Variants in BRAF observed in about 807,000 individuals in gnomAD.
BRAF encodes the protein serine/threonine-protein kinase B-raf.
Under a neutral mutation model 104.6 loss-of-function variants are expected in BRAF, and 16 were observed. The observed-to-expected ratio is 0.15, with a 90% CI of 0.10 to 0.23. The LOEUF is 0.23. Among genes scored for constraint, BRAF ranks in the 10% least tolerant of loss-of-function variants. The pLI is 1.00. For missense variants in BRAF, 541 were observed against 937.3 expected (o/e 0.58, Z 5.52); for synonymous variants, 310 against 341.6 (o/e 0.91, Z 1.02).
intron 1 of BRAF, among the ~76,000 whole-genome samples, chr7:140,901,785 T>C (rs1159785539): frequency 2.6e-5 from 4 of 152,228 alleles, no homozygotes; most frequent in Non-Finnish European, 4.4e-5. Flanking sequence ...TAAAAGCATA[T>C]TGAATTGTGC....
intron 13 of BRAF, 141 bp from the exon 13 acceptor site, chr7:140,777,229 T>C (rs1227120237): frequency 2.4e-6 from 2 of 831,962 alleles, no homozygotes; most frequent in Non-Finnish European, 3.8e-6. Context: ...AAAGGATACA[T>C]TTAGAAGAGA....
chr7:140,716,364 G>GAGTT (rs751375958), downstream of BRAF, among the ~76,000 whole-genome samples: 13 of 152,306 alleles, frequency 8.5e-5, no homozygotes, highest in African/African-American at 2.6e-4. Context: ...AAGGTTAAAT[G>GAGTT]AGTTAGTTAG....
At chr7:140,896,411 T>C (rs1472838576) in intron 1 of BRAF, among the ~76,000 whole-genome samples, 1 of 152,038 alleles carries the variant, frequency 6.6e-6, no homozygotes, top group African/African-American at 2.4e-5. Flanking sequence ...AAACATTATG[T>C]AGAAAACTAT....
At chr7:140,824,706 CA>C (rs1473924237) in intron 3 of BRAF, among the ~76,000 whole-genome samples, 1 of 151,396 alleles carries the variant, frequency 6.6e-6, no homozygotes, top group African/African-American at 2.4e-5. Context: ...AATAAACTGC[CA>C]AATTTTATTC....
At chr7:140,909,998 A>C (rs890236249) in intron 1 of BRAF, among the ~76,000 whole-genome samples, 50 of 152,262 alleles carry the variant, frequency 3.3e-4, no homozygotes, top group African/African-American at 1.2e-3. Flanking sequence ...ACTGTCCTGA[A>C]CATTGTGGGA....
chr7:140,759,527 C>G (rs1443396386), intron 14 of BRAF, among the ~76,000 whole-genome samples: 2 of 152,222 alleles, frequency 1.3e-5, no homozygotes, highest in African/African-American at 4.8e-5. Context: ...GCTGGGATTA[C>G]AGGCAAGTAC....
intron 7 of BRAF, 192 bp downstream of exon 7, chr7:140,800,170 T>C: frequency 1.2e-6 from 1 of 863,416 alleles, no homozygotes; most frequent in Non-Finnish European, 1.8e-6. Flanking sequence ...GATTCTGAAA[T>C]AGTCTATGTC....
intron 1 of BRAF, among the ~76,000 whole-genome samples, chr7:140,899,616 A>T (rs1467624835): frequency 6.6e-6 from 1 of 152,114 alleles, no homozygotes; most frequent in Non-Finnish European, 1.5e-5. Flanking sequence ...GTCATTTCAT[A>T]TGTTTATTAA....
intron 1 of BRAF, among the ~76,000 whole-genome samples, chr7:140,858,022 T>G (rs534495357): frequency 8.0e-4 from 122 of 152,238 alleles, no homozygotes; most frequent in African/African-American, 2.8e-3. Flanking sequence ...CCACTTGATA[T>G]GGGGAAATGC....
intron 3 of BRAF, among the ~76,000 whole-genome samples, chr7:140,827,512 A>G (rs1473719789): frequency 6.6e-6 from 1 of 152,224 alleles, no homozygotes; most frequent in Admixed American, 6.5e-5. Context: ...GTACTGTCAA[A>G]GACAGTCAAG....
chr7:140,745,625 A>G (rs897017593), intron 17 of BRAF, among the ~76,000 whole-genome samples: 3 of 152,048 alleles, frequency 2.0e-5, no homozygotes, highest in African/African-American at 7.2e-5. Flanking sequence ...GACCCTGTCA[A>G]TTCACTCCAT....
chr7:140,913,745 G>C (rs578255162), intron 1 of BRAF, among the ~76,000 whole-genome samples: 43 of 152,160 alleles, frequency 2.8e-4, no homozygotes, highest in Middle Eastern at 3.4e-3. Flanking sequence ...GCCTTTCAAA[G>C]TGCTGGGATT....
Position 140,732,241 on chromosome 7 carries a change from A to T in BRAF, c.2401+2376T>A, listed in dbSNP as rs1049840686. 50 of 135,606 alleles carry T rather than the reference A, an allele frequency of 3.7e-4. 1 individual carries two copies. Among genetic ancestry groups the T allele is most frequent in the African/African-American group, 1.5e-3 (49 of 32,776 alleles). 8.4% of individuals were successfully genotyped at this position (135,606 alleles called of 1,614,324 possible). A position where few individuals can be genotyped will look rare whatever the true frequency, so the allele number is the denominator to read the frequency against. Reference sequence around the variant, plus strand: ...ATCAACTTTAATTTCAAAAAAAAAAAAGAGGGCTCAGGTTTTAGGAAAAAA... The same window carrying T: ...ATCAACTTTAATTTCAAAAAAAAAATAGAGGGCTCAGGTTTTAGGAAAAAA... On this transcript the variant is annotated intron_variant, in intron 19 of 19. Coordinates refer to ENST00000644969, the MANE Select transcript of BRAF (RefSeq NM_001374258.1).
intron 1 of BRAF, among the ~76,000 whole-genome samples, chr7:140,909,133 T>G (rs1319218538): frequency 6.6e-6 from 1 of 152,100 alleles, no homozygotes; most frequent in Non-Finnish European, 1.5e-5. Flanking sequence ...TACCCTTAAA[T>G]GTAATTCAGA....
chr7:140,881,610 C>A (rs534723525), intron 1 of BRAF, among the ~76,000 whole-genome samples: 1 of 152,276 alleles, frequency 6.6e-6, no homozygotes, highest in South Asian at 2.1e-4. Context: ...AAAATTTTGC[C>A]TTTACATTCA....
intron 1 of BRAF, among the ~76,000 whole-genome samples, chr7:140,888,424 C>A (rs1813815718): frequency 6.6e-6 from 1 of 152,068 alleles, no homozygotes; most frequent in African/African-American, 2.4e-5. Flanking sequence ...TTAATTCCTA[C>A]AAACAGATCT....
chr7:140,769,646 T>C (rs369362980), intron 14 of BRAF, among the ~76,000 whole-genome samples: 4 of 152,338 alleles, frequency 2.6e-5, no homozygotes, highest in South Asian at 4.1e-4. Flanking sequence ...TTCTACTGTA[T>C]GTAAGTGCCA....
chr7:140,860,134 T>C (rs1810245410), intron 1 of BRAF, among the ~76,000 whole-genome samples: 1 of 152,076 alleles, frequency 6.6e-6, no homozygotes, highest in Admixed American at 6.6e-5. Context: ...AGAGACAGAA[T>C]AGAGGGCTCA....
intron 2 of BRAF, among the ~76,000 whole-genome samples, chr7:140,844,913 C>T (rs1318899998): frequency 6.6e-6 from 1 of 150,720 alleles, no homozygotes; most frequent in African/African-American, 2.4e-5. Context: ...AAGTGAGACT[C>T]CATCTCAAAA....
Sources: gnomAD v4.1 joint callset for allele counts (sites outside exome capture counted in the v4.1 genomes callset) on GRCh38, gnomAD v4.1.1 for gene constraint, MANE v1.5 for transcripts, NCBI Gene and HGNC (gene_info 2026-07-23, HGNC 2026-07-21) for gene names.